Variants in PTPRT observed in about 807,000 individuals in gnomAD.
PTPRT encodes the protein protein tyrosine phosphatase receptor type T.
In PTPRT, 56 loss-of-function variants were observed where a neutral mutation model predicts 176.8. The ratio of observed to expected loss-of-function variants is 0.32; its 90% CI spans 0.26 to 0.40. PTPRT has a LOEUF of 0.40. PTPRT is among the 10% of genes least tolerant of loss of function. PTPRT has a pLI of 1.00. For missense variants in PTPRT, 1,540 were observed against 1,908.2 expected (o/e 0.81, Z 3.60); for synonymous variants, 783 against 739.0 (o/e 1.06, Z -0.96).
At chr20:42,214,659 T>C (rs1172372792) in intron 15 of PTPRT, among the ~76,000 whole-genome samples, 2 of 152,184 alleles carry the variant, frequency 1.3e-5, no homozygotes, top group East Asian at 1.9e-4. Context: ...ACTACCTCTC[T>C]GGCCTGGATG....
At chr20:42,675,088 G>A (rs1174060294) in intron 7 of PTPRT, among the ~76,000 whole-genome samples, 1 of 152,134 alleles carries the variant, frequency 6.6e-6, no homozygotes, top group East Asian at 1.9e-4. Context: ...TCAGCTCACT[G>A]CCTGTGTTCT....
intron 1 of PTPRT, among the ~76,000 whole-genome samples, chr20:42,989,341 G>T (rs1983765121): frequency 6.6e-6 from 1 of 152,210 alleles, no homozygotes; most frequent in African/African-American, 2.4e-5. Flanking sequence ...CAGAGATCAG[G>T]AAATATTTGT....
chr20:42,365,787 G>A (rs991580803), intron 9 of PTPRT, among the ~76,000 whole-genome samples: 4 of 152,166 alleles, frequency 2.6e-5, no homozygotes, highest in East Asian at 1.9e-4. Context: ...GACAAGCTTC[G>A]TCTAGAGCAA....
intron 1 of PTPRT, among the ~76,000 whole-genome samples, chr20:43,000,601 C>T (rs1984507795): frequency 6.6e-6 from 1 of 152,048 alleles, no homozygotes; most frequent in African/African-American, 2.4e-5. Context: ...TGCAAAATAA[C>T]ATAATGGAGC....
chr20:42,846,267 G>A (rs961893555), intron 2 of PTPRT, among the ~76,000 whole-genome samples: 1 of 152,178 alleles, frequency 6.6e-6, no homozygotes, highest in African/African-American at 2.4e-5. Flanking sequence ...GCAGGGGAGA[G>A]GCATGCCGGG....
chr20:42,839,904 G>A (rs1234598224), intron 2 of PTPRT, among the ~76,000 whole-genome samples: 1 of 152,218 alleles, frequency 6.6e-6, no homozygotes, highest in African/African-American at 2.4e-5. Flanking sequence ...CCAGGACAAT[G>A]AGACTTTTTA....
chr20:42,702,975 T>C (rs1023801698), intron 6 of PTPRT, among the ~76,000 whole-genome samples: 5 of 152,238 alleles, frequency 3.3e-5, no homozygotes, highest in African/African-American at 1.2e-4. Flanking sequence ...CCATATGGTT[T>C]GGGATTTATC....
At chr20:42,471,471 C>T (rs1280881612) in intron 8 of PTPRT, among the ~76,000 whole-genome samples, 1 of 152,136 alleles carries the variant, frequency 6.6e-6, no homozygotes, top group African/African-American at 2.4e-5. Context: ...GCTTTGGCCA[C>T]GTAGTGTTCC....
rs577352793 is a variant in PTPRT at position 42,582,751 on chromosome 20, T to A, written c.1153+95115A>T. ...CTGGAAGAAATTAACTCTGATCTTC[T>A]CAGAGCTCGCCCAAAAAACTGGACC... On this transcript the variant is annotated intron_variant, in intron 7 of 30. Transcript: ENST00000373187. Among the ~76,000 whole-genome samples, 20 of 152,284 alleles carry A rather than the reference T, an allele frequency of 1.3e-4. No homozygotes were observed. In the South Asian group the frequency reaches 3.3e-3, roughly 25 times the overall value.
intron 1 of PTPRT, among the ~76,000 whole-genome samples, chr20:43,080,947 G>T (rs1202195821): frequency 6.6e-6 from 1 of 152,206 alleles, no homozygotes; most frequent in Non-Finnish European, 1.5e-5. Flanking sequence ...GTGCTTATTT[G>T]TTAGAGCAAC....
chr20:42,936,994 C>A (rs77507503), intron 1 of PTPRT, among the ~76,000 whole-genome samples: 2 of 152,264 alleles, frequency 1.3e-5, no homozygotes, highest in East Asian at 3.9e-4. Flanking sequence ...ACAGCACACT[C>A]GAGCCTCAGT....
In PTPRT at chr20:42,217,414, CACACACACACAG is replaced by C. The variant is rs1334628569; in HGVS notation, c.2343-18038_2343-18027del. ...ACACACACACACACACACACACACACACACACACACAGAACATTACGTCCATCCCCCACTCCA... is the reference window on the plus strand; with the variant it reads ...ACACACACACACACACACACACACACAACATTACGTCCATCCCCCACTCCA... On this transcript the variant is annotated intron_variant, in intron 15 of 30. Transcript: ENST00000373187. Among the ~76,000 whole-genome samples the C allele has an allele frequency of 9.5e-4, 86 of 90,796 alleles. 1 individual carries two copies. The highest frequency in any genetic ancestry group is 3.0e-3 in the African/African-American group (51 of 16,760). The allele number at this position is 90,796 out of a possible 152,430, so 59.6% of individuals were successfully genotyped here.
intron 7 of PTPRT, among the ~76,000 whole-genome samples, chr20:42,555,315 A>T (rs2072841064): frequency 6.6e-6 from 1 of 152,216 alleles, no homozygotes; most frequent in Non-Finnish European, 1.5e-5. Flanking sequence ...CTGAGGATAC[A>T]GTCATAGAAA....
At chr20:42,546,163 A>G (rs906864588) in intron 7 of PTPRT, among the ~76,000 whole-genome samples, 9 of 152,218 alleles carry the variant, frequency 5.9e-5, no homozygotes, top group Non-Finnish European at 1.2e-4. Context: ...AAGGTGTTTA[A>G]TTGAGCAATG....
At chr20:42,210,598 G>A (rs1887352177) in intron 15 of PTPRT, among the ~76,000 whole-genome samples, 1 of 151,366 alleles carries the variant, frequency 6.6e-6, no homozygotes, top group African/African-American at 2.4e-5. Context: ...GGGATGTGAA[G>A]GACCTCTTCA....
At chr20:42,230,830 G>A (rs574291203) in intron 15 of PTPRT, among the ~76,000 whole-genome samples, 20 of 152,322 alleles carry the variant, frequency 1.3e-4, no homozygotes, top group African/African-American at 4.3e-4. Flanking sequence ...CGTGTATACT[G>A]GAGAGACAAT....
rs1438074861 is a variant in PTPRT at position 42,791,143 on chromosome 20, G to A, written c.486+52C>T. The A allele has an allele frequency of 3.7e-5, 56 of 1,528,582 alleles. No individual in the cohort carries two copies. The East Asian group carries it at 1.0e-3, about 28-fold the overall frequency. The allele number at this position is 1,528,582 out of a possible 1,614,324, so 94.7% of individuals were successfully genotyped here. ...TAGCACCTGTAGGGAGAGCAAAGGT[G>A]TATAGATTTATTACAAATTTTCAAA... On this transcript the variant is annotated intron_variant, in intron 3 of 30. Coordinates refer to ENST00000373187, the MANE Select transcript of PTPRT (RefSeq NM_007050.6).
chr20:42,728,913 G>T lies in PTPRT; in HGVS notation c.859+27549C>A, dbSNP rs74487494. ...TAGCAGGTACCTACATATGTTTAAT[G>T]AATGAATATGTAAGACTGAAAGAGT... On this transcript the variant is annotated intron_variant, in intron 6 of 30. Coordinates refer to ENST00000373187, the MANE Select transcript of PTPRT (RefSeq NM_007050.6). Among the ~76,000 whole-genome samples the T allele has an allele frequency of 2.6e-3, 396 of 152,260 alleles. 3 individuals are homozygous for T. The highest frequency in any genetic ancestry group is 9.2e-3 in the African/African-American group (382 of 41,558).
chr20:42,816,412 T>A (rs561447168), intron 2 of PTPRT, among the ~76,000 whole-genome samples: 1 of 152,176 alleles, frequency 6.6e-6, no homozygotes, highest in Non-Finnish European at 1.5e-5. Flanking sequence ...GAGCTATGTA[T>A]CCACTTTCAA....
Sources: allele counts gnomAD v4.1 joint callset (sites outside exome capture counted in the v4.1 genomes callset), GRCh38; gene constraint gnomAD v4.1.1; transcripts MANE v1.5; gene names NCBI Gene and HGNC (gene_info 2026-07-23, HGNC 2026-07-21).